FBN3: variants seen among roughly 807,000 people sequenced by gnomAD.
The protein encoded by FBN3 is fibrillin-3.
Under a neutral mutation model 330.1 loss-of-function variants are expected in FBN3, and 234 were observed. That is an observed-to-expected ratio of 0.71 (90% CI 0.64 to 0.79). FBN3 has a LOEUF of 0.79. Among genes scored for constraint, FBN3 ranks in the 30% least tolerant of loss-of-function variants. The probability of loss-of-function intolerance (pLI) is 0.00; values close to 1 mark genes in which losing one functional copy is unlikely to be tolerated. For synonymous variants in FBN3, 1,458 were observed against 1,517.3 expected (o/e 0.96, Z 0.91); for missense variants, 3,606 against 3,886.9 (o/e 0.93, Z 1.92).
chr19:8,114,999 G>T (rs2144851772), intron 30 of FBN3, among the ~76,000 whole-genome samples: 1 of 152,220 alleles, frequency 6.6e-6, no homozygotes, highest in East Asian at 1.9e-4. Context: ...CTCCCGAGTA[G>T]CTGGGATTAC....
chr19:8,134,288 C>T (rs1029428953), intron 13 of FBN3, among the ~76,000 whole-genome samples: 2 of 151,786 alleles, frequency 1.3e-5, no homozygotes, highest in East Asian at 1.9e-4. Flanking sequence ...AATGCCACCA[C>T]AAAAATATGC....
intron 9 of FBN3, 42 bp downstream of exon 9, chr19:8,138,370 C>T (rs767399302): frequency 6.2e-7 from 1 of 1,610,008 alleles, no homozygotes; most frequent in South Asian, 1.1e-5. Flanking sequence ...CTCCCCTGTC[C>T]CCTCCTCACC....
intron 63 of FBN3, 48 bp from the exon 64 acceptor site, chr19:8,066,308 T>A (rs772613552): frequency 7.2e-7 from 1 of 1,389,046 alleles, no homozygotes; most frequent in Non-Finnish European, 9.7e-7. Flanking sequence ...AGAATCGGGA[T>A]GTGGTGTGGG....
intron 30 of FBN3, among the ~76,000 whole-genome samples, chr19:8,113,585 G>C (rs1407043999): frequency 6.6e-6 from 1 of 152,118 alleles, no homozygotes; most frequent in Non-Finnish European, 1.5e-5. Context: ...TGTAGTCCCA[G>C]ATACTCAGGA....
chr19:8,081,088 G>A lies in FBN3; in HGVS notation c.7368C>T (p.Asn2456=), dbSNP rs371884536. The A allele has an allele frequency of 1.9e-6, 3 of 1,613,712 alleles. No homozygotes were observed. In the African/African-American group the frequency reaches 4.0e-5, roughly 22 times the overall value. ...CAGTGTTGACACAGAGGAACTGACAGTTGTGCTGCCGGGAGGTGCATTCGT... is the reference window on the plus strand; with the variant it reads ...CAGTGTTGACACAGAGGAACTGACAATTGTGCTGCCGGGAGGTGCATTCGT... The part of the protein sequence containing the change: ...DLDECTSRQH[N]CQFLCVNTVG... Residue 2456 remains asparagine (N), a synonymous_variant, in exon 59 of 64, where the codon AAC becomes AAT. Coordinates refer to ENST00000600128, the MANE Select transcript of FBN3 (RefSeq NM_032447.5).
intron 45 of FBN3, 148 bp from the exon 46 acceptor site, chr19:8,095,651 C>G (rs1002351377): frequency 3.8e-5 from 32 of 837,232 alleles, no homozygotes; most frequent in Middle Eastern, 2.5e-4. Flanking sequence ...TAGCCTTCTA[C>G]CTATCTTATG....
Position 8,123,945 on chromosome 19 carries a change from C to T in FBN3, c.2795G>A (p.Gly932Asp), listed in dbSNP as rs745640141. 15 of 1,614,112 alleles carry T rather than the reference C, an allele frequency of 9.3e-6. No homozygotes were observed. Among genetic ancestry groups the T allele is most frequent in the Non-Finnish European group, 1.2e-5 (14 of 1,180,018 alleles). Residue 932 changes from glycine to aspartate, a missense_variant, in exon 23 of 64, where the codon GGC becomes GAC. Transcript: ENST00000600128. Reference sequence around the variant, plus strand: ...GCAGCAGACGTCCATCCGGTACTTGCCAGGCAGGGTGACCCCACACTCATC... The same window carrying T: ...GCAGCAGACGTCCATCCGGTACTTGTCAGGCAGGGTGACCCCACACTCATC... ...DEDECGVTLP[G>D]KYRMDVCCCS...
Position 8,096,718 on chromosome 19 carries a change from G to A in FBN3, c.5414-149C>T. 1 of 1,308,366 alleles carries A rather than the reference G, an allele frequency of 7.6e-7. No individual in the cohort carries two copies. Among genetic ancestry groups the A allele is most frequent in the Non-Finnish European group, 1.1e-6 (1 of 949,640 alleles). 81.0% of individuals were successfully genotyped at this position (1,308,366 alleles called of 1,614,324 possible). A position where few individuals can be genotyped will look rare whatever the true frequency, so the allele number is the denominator to read the frequency against. On this transcript the variant is annotated intron_variant, in intron 43 of 63. Coordinates refer to ENST00000600128, the MANE Select transcript of FBN3 (RefSeq NM_032447.5). This position sits in a 1 kb window ranked among gnomAD's most constrained non-coding sequence, Gnocchi z 4.6. ...CGTCAGGCTGTCTGCATGGACCTGA[G>A]CTCTCACCTCTATCACATCCTATTA... is the stretch of plus-strand genomic sequence containing the variant.
Position 8,119,118 on chromosome 19 carries a change from A to G in FBN3, c.3212-96T>C, listed in dbSNP as rs189772894. 15 of 1,399,704 alleles carry G rather than the reference A, an allele frequency of 1.1e-5. No individual in the cohort carries two copies. The African/African-American group carries it at 1.6e-4, about 15-fold the overall frequency. 86.7% of individuals were successfully genotyped at this position (1,399,704 alleles called of 1,614,324 possible). A position where few individuals can be genotyped will look rare whatever the true frequency, so the allele number is the denominator to read the frequency against. On this transcript the variant is annotated intron_variant, in intron 25 of 63. Coordinates refer to ENST00000600128, the MANE Select transcript of FBN3 (RefSeq NM_032447.5). ...GCTGGCTTCTCTCCGCCACCTCCCCAGCCCCCTTCACCCCAGCGGGAGCCA... is the reference window on the plus strand; with the variant it reads ...GCTGGCTTCTCTCCGCCACCTCCCCGGCCCCCTTCACCCCAGCGGGAGCCA...
chr19:8,094,568 G>T lies in FBN3; in HGVS notation c.5786-3C>A. The T allele has an allele frequency of 6.2e-7, 1 of 1,612,344 alleles. No homozygotes were observed. Among genetic ancestry groups the T allele is most frequent in the South Asian group, 1.1e-5 (1 of 90,936 alleles). On this transcript the variant is annotated splice_region_variant and splice_polypyrimidine_tract_variant and intron_variant, in intron 46 of 63. Coordinates refer to ENST00000600128, the MANE Select transcript of FBN3 (RefSeq NM_032447.5). ...AAGGCTGAGGCACTCATTGGTGTCT[G>T]TGAAAAGGAGGAAGAAAGGTCCTTG...
chr19:8,110,936 A>G lies in FBN3; in HGVS notation c.4242T>C (p.Cys1414=). 5 of 1,614,214 alleles carry G rather than the reference A, an allele frequency of 3.1e-6. No homozygotes were observed. Among genetic ancestry groups the G allele is most frequent in the Non-Finnish European group, 4.2e-6 (5 of 1,180,034 alleles). Reference sequence around the variant, plus strand: ...GCAGGTTCTCACAGCTCCCAAATGCACAGAGGTTCCCTTGCGCACACTCGT... The same window carrying G: ...GCAGGTTCTCACAGCTCCCAAATGCGCAGAGGTTCCCTTGCGCACACTCGT... ...DVDECAQGNL[C]AFGSCENLPG... is the part of the protein sequence containing the mutation. The change falls in exon 34 of 64, where the codon TGT becomes TGC. Residue 1414 remains cysteine, a synonymous_variant. Transcript: ENST00000600128.
In FBN3 at chr19:8,141,767, C is replaced by T. The variant is rs776954571; in HGVS notation, c.815G>A (p.Cys272Tyr). 3.1e-6 allele frequency: 5 copies of T among 1,614,186 alleles called. No homozygotes were observed. In the South Asian group the frequency reaches 5.5e-5, roughly 18 times the overall value. ...SCVNMVGSFH[C>Y]RCPVGHRLSD... ...GAGCCGGTGTCCAACTGGACAGCGG[C>T]AATGGAAGGAGCCCACCATGTTGAC... The change falls in exon 8 of 64, where the codon TGC (cysteine) becomes TAC (tyrosine). Residue 272 changes from cysteine to tyrosine, a missense_variant. Cys to Tyr is a radical substitution (Grantham distance 194). Coordinates refer to ENST00000600128, the MANE Select transcript of FBN3 (RefSeq NM_032447.5).
chr19:8,121,216 T>G lies in FBN3; in HGVS notation c.3211+42A>C. ...CCCTCCCTCTCCTCAATGCCCTCCC[T>G]GCCCAGGGCGCCCACCACACCCCTG... On this transcript the variant is annotated intron_variant, in intron 25 of 63. Coordinates refer to ENST00000600128, the MANE Select transcript of FBN3 (RefSeq NM_032447.5). This position sits in a 1 kb window ranked among gnomAD's most constrained non-coding sequence, Gnocchi z 4.5. The G allele has an allele frequency of 7.4e-7, 1 of 1,350,908 alleles. No individual in the cohort carries two copies. Among genetic ancestry groups the G allele is most frequent in the Non-Finnish European group, 1.0e-6 (1 of 989,844 alleles). 83.7% of individuals were successfully genotyped at this position (1,350,908 alleles called of 1,614,324 possible).
intron 61 of FBN3, 133 bp downstream of exon 61, chr19:8,074,938 C>T (rs562248886): frequency 4.8e-6 from 6 of 1,260,722 alleles, no homozygotes; most frequent in Non-Finnish European, 6.5e-6. Flanking sequence ...AACTCACTAC[C>T]TTCTGGGCTG....
At chr19:8,088,286 G>T in intron 51 of FBN3, 107 bp from the exon 52 acceptor site, 1 of 1,349,696 alleles carries the variant, frequency 7.4e-7, no homozygotes, top group Non-Finnish European at 1.0e-6. Flanking sequence ...GGGCCAGATC[G>T]AATGCACCTC....
intron 22 of FBN3, among the ~76,000 whole-genome samples, chr19:8,125,108 A>G (rs118094841): frequency 0.02 from 3,007 of 152,276 alleles, 50 homozygotes; most frequent in South Asian, 0.069. Context: ...TGTGAACCTA[A>G]TACTGTCCTC....
In FBN3 at chr19:8,131,493, G is replaced by T; in HGVS notation, c.1990+61C>A. The T allele has an allele frequency of 1.3e-6, 2 of 1,550,238 alleles. No homozygotes were observed. Among genetic ancestry groups the T allele is most frequent in the South Asian group, 2.5e-5 (2 of 81,102 alleles). ...GCAGCCATGACCCCCCACCAGAAGC[G>T]AGAACCGATGGAGGCATTCAGACCA... On this transcript the variant is annotated intron_variant, in intron 15 of 63. Coordinates refer to ENST00000600128, the MANE Select transcript of FBN3 (RefSeq NM_032447.5). This position sits in a 1 kb window ranked among gnomAD's most constrained non-coding sequence, Gnocchi z 4.5.
chr19:8,067,477 C>T (rs528887974), intron 63 of FBN3, among the ~76,000 whole-genome samples: 152 of 152,230 alleles, frequency 1.0e-3, no homozygotes, highest in Non-Finnish European at 1.7e-3. Flanking sequence ...CCTCATCCAC[C>T]CACAAGAAGT....
rs766739212 is a variant in FBN3, at chr19:8,109,215, G to T, written c.4618+12C>A. On this transcript the variant is annotated intron_variant, in intron 36 of 63. Transcript: ENST00000600128. This position sits in a 1 kb window ranked among gnomAD's most constrained non-coding sequence, Gnocchi z 5.2. ...TTAGGTCACGGTGTTCAACTGCCCC[G>T]CAGGGACTCACTGGTGTTGGCCATA... 2 of 1,613,636 alleles carry T rather than the reference G, an allele frequency of 1.2e-6. No individual in the cohort carries two copies. The highest frequency in any genetic ancestry group is 2.2e-5 in the South Asian group (2 of 91,042).
Sources: gnomAD v4.1 joint callset for allele counts (sites outside exome capture counted in the v4.1 genomes callset) on GRCh38, gnomAD v4.1.1 for gene constraint, Gnocchi (gnomAD v3.1) non-coding constraint, MANE v1.5 for transcripts, NCBI Gene and HGNC (gene_info 2026-07-23, HGNC 2026-07-21) for gene names.